The following LRP1B variants were observed in gnomAD, a reference collection of about 807,000 sequenced individuals.
LRP1B encodes the protein LDL receptor related protein 1B.
LRP1B carries 217 observed loss-of-function variants against 556.6 expected under a neutral mutation model. The observed-to-expected ratio is 0.39, with a 90% CI of 0.35 to 0.44. The LOEUF (loss-of-function observed/expected upper bound fraction) is 0.44. LRP1B is among the 20% of genes least tolerant of loss of function. LRP1B has a pLI of 1.00. For synonymous variants in LRP1B, 2,047 were observed against 1,865.8 expected, an observed-to-expected ratio of 1.10 and a Z score of -2.50; for missense variants, 5,053 against 5,620.8, an observed-to-expected ratio of 0.90 and a Z score of 3.23.
chr2:141,722,653 G>A lies in LRP1B; in HGVS notation c.205+87626C>T, dbSNP rs566084088. Among the ~76,000 whole-genome samples the A allele has an allele frequency of 6.6e-5, 10 of 151,904 alleles. No individual in the cohort carries two copies. In the South Asian group the frequency reaches 1.0e-3, roughly 16 times the overall value. ...CTCCCATTGCCCACTGTCACATGGCGTCTCTCAAGTTAACCTTTTATTTTT... is the reference window on the plus strand; with the variant it reads ...CTCCCATTGCCCACTGTCACATGGCATCTCTCAAGTTAACCTTTTATTTTT... On this transcript the variant is annotated intron_variant, in intron 2 of 90. Transcript: ENST00000389484.
intron 3 of LRP1B, among the ~76,000 whole-genome samples, chr2:141,384,386 T>C (rs973542534): frequency 2.0e-5 from 3 of 152,210 alleles, no homozygotes; most frequent in African/African-American, 7.2e-5. Context: ...GAGTCTTCTT[T>C]TAATTTTCCT....
intron 23 of LRP1B, 61 bp from the exon 24 acceptor site, chr2:140,886,396 T>C: frequency 1.2e-6 from 1 of 853,902 alleles, no homozygotes; most frequent in Non-Finnish European, 1.8e-6. Flanking sequence ...ATGAAATGCT[T>C]GGGATCAAAA....
chr2:140,704,946 T>C (rs1214988682), intron 37 of LRP1B, among the ~76,000 whole-genome samples: 2 of 152,120 alleles, frequency 1.3e-5, no homozygotes, highest in Non-Finnish European at 2.9e-5. Flanking sequence ...TTAAAAGTAA[T>C]GGCAAAAAGC....
chr2:140,706,240 A>G (rs1686832319), intron 37 of LRP1B, among the ~76,000 whole-genome samples: 2 of 152,218 alleles, frequency 1.3e-5, no homozygotes, highest in Admixed American at 6.6e-5. Flanking sequence ...TTGAGTTTGA[A>G]CCTATTTGAG....
intron 6 of LRP1B, among the ~76,000 whole-genome samples, chr2:141,204,041 G>A (rs917228672): frequency 6.6e-6 from 1 of 152,152 alleles, no homozygotes; most frequent in East Asian, 1.9e-4. Flanking sequence ...AGAGTGTAGA[G>A]GGAAATATAT....
intron 3 of LRP1B, among the ~76,000 whole-genome samples, chr2:141,412,752 A>G (rs920423982): frequency 1.2e-4 from 19 of 152,334 alleles, no homozygotes; most frequent in African/African-American, 4.3e-4. Context: ...AGAGTAACCA[A>G]AGAGAAAAAT....
intron 3 of LRP1B, among the ~76,000 whole-genome samples, chr2:141,267,021 T>C (rs1184470298): frequency 1.3e-5 from 2 of 152,184 alleles, no homozygotes; most frequent in Non-Finnish European, 2.9e-5. Context: ...ACTAATTATA[T>C]GAGGACAATG....
chr2:141,452,261 G>A (rs1392299207), intron 3 of LRP1B, among the ~76,000 whole-genome samples: 1 of 152,128 alleles, frequency 6.6e-6, no homozygotes, highest in East Asian at 1.9e-4. Flanking sequence ...AAAAATGCCT[G>A]TAATTCTAAG....
chr2:140,447,159 A>G (rs1306281995), intron 63 of LRP1B, among the ~76,000 whole-genome samples: 3 of 152,124 alleles, frequency 2.0e-5, no homozygotes, highest in Admixed American at 1.3e-4. Flanking sequence ...AAGAAGAAAT[A>G]TAAGTGTTAG....
At chr2:140,694,082 T>TA (rs1186652536) in intron 41 of LRP1B, among the ~76,000 whole-genome samples, 1 of 152,140 alleles carries the variant, frequency 6.6e-6, no homozygotes, top group Non-Finnish European at 1.5e-5. Flanking sequence ...TTGCTTTTTT[T>TA]AAAAAATATG....
chr2:140,560,206 C>T (rs913206229), intron 43 of LRP1B, among the ~76,000 whole-genome samples: 15 of 152,028 alleles, frequency 9.9e-5, no homozygotes, highest in African/African-American at 3.4e-4. Flanking sequence ...TCCTCAAATA[C>T]ATAAAGTTAA....
intron 84 of LRP1B, among the ~76,000 whole-genome samples, chr2:140,282,936 G>T (rs377277052): frequency 9.2e-5 from 14 of 151,724 alleles, no homozygotes; most frequent in African/African-American, 2.9e-4. Context: ...AATAATAGCC[G>T]AGAAATCACA....
intron 1 of LRP1B, among the ~76,000 whole-genome samples, chr2:141,822,475 A>G: frequency 6.6e-6 from 1 of 152,114 alleles, no homozygotes; most frequent in East Asian, 1.9e-4. Context: ...TGCAGGCTCT[A>G]TTTTCTAAAT....
intron 2 of LRP1B, among the ~76,000 whole-genome samples, chr2:141,695,998 A>T (rs2105453389): frequency 6.6e-6 from 1 of 152,136 alleles, no homozygotes. Context: ...TGTGAAAAAA[A>T]ATCTTGTATA....
At chr2:140,598,285 A>T (rs1388883158) in intron 43 of LRP1B, among the ~76,000 whole-genome samples, 1 of 152,314 alleles carries the variant, frequency 6.6e-6, no homozygotes, top group East Asian at 1.9e-4. Context: ...ACAACTAATC[A>T]ATTTTATTTC....
At chr2:141,173,163 C>T (rs1680582560) in intron 7 of LRP1B, among the ~76,000 whole-genome samples, 1 of 151,806 alleles carries the variant, frequency 6.6e-6, no homozygotes, top group Admixed American at 6.6e-5. Flanking sequence ...CCATCTTTGT[C>T]ATCATCATCA....
intron 43 of LRP1B, among the ~76,000 whole-genome samples, chr2:140,554,435 CT>C (rs2105059512): frequency 6.6e-6 from 1 of 152,184 alleles, no homozygotes; most frequent in African/African-American, 2.4e-5. Flanking sequence ...GAGTATTTTA[CT>C]TTAAAAGATG....
intron 2 of LRP1B, among the ~76,000 whole-genome samples, chr2:141,519,485 T>C (rs1684458802): frequency 6.7e-6 from 1 of 149,460 alleles, no homozygotes; most frequent in Non-Finnish European, 1.5e-5. Context: ...ACAAATAATA[T>C]TGATTTCTGA....
intron 2 of LRP1B, among the ~76,000 whole-genome samples, chr2:141,555,492 C>T (rs1685927560): frequency 6.6e-6 from 1 of 151,914 alleles, no homozygotes; most frequent in Non-Finnish European, 1.5e-5. Flanking sequence ...AGGCACACAG[C>T]AGGCATGCAA....
Sources: allele counts gnomAD v4.1 joint callset (sites outside exome capture counted in the v4.1 genomes callset), GRCh38; gene constraint gnomAD v4.1.1; transcripts MANE v1.5; gene names NCBI Gene and HGNC (gene_info 2026-07-23, HGNC 2026-07-21).